Variants in XKR6 observed in about 807,000 individuals in gnomAD.
XKR6 encodes XK-related protein 6.
A neutral mutation model predicts 56.7 loss-of-function variants in XKR6; 22 were observed. The ratio of observed to expected loss-of-function variants is 0.39; its 90% CI spans 0.28 to 0.55. XKR6 has a LOEUF of 0.55. Among genes scored for constraint, XKR6 ranks in the 20% least tolerant of loss-of-function variants. The pLI, the probability that XKR6 is intolerant of heterozygous loss-of-function variation, is 0.66. For missense variants in XKR6, 852 were observed against 889.0 expected, an observed-to-expected ratio of 0.96 and a Z score of 0.53; for synonymous variants, 524 against 387.8, an observed-to-expected ratio of 1.35 and a Z score of -4.13.
rs985895699 is a variant in XKR6 at position 10,896,677 on chromosome 8, C to T, written c.*1275G>A. ...AATGGTGAAAGACAGAAGCACCAAA[C>T]AGTCTTTGAAATGGGTCAGTTATTA... On this transcript the variant is annotated 3_prime_UTR_variant, in exon 3 of 3. Coordinates refer to ENST00000416569, the MANE Select transcript of XKR6 (RefSeq NM_173683.4). 1.3e-5 allele frequency: 2 copies of T among 152,360 alleles called. No individual in the cohort carries two copies. Among genetic ancestry groups the T allele is most frequent in the African/African-American group, 2.4e-5 (1 of 41,350 alleles). The allele number at this position is 152,360 out of a possible 1,614,324, so 9.4% of individuals were successfully genotyped here. A position where few individuals can be genotyped will look rare whatever the true frequency, so the allele number is the denominator to read the frequency against.
intron 1 of XKR6, among the ~76,000 whole-genome samples, chr8:11,116,213 T>G (rs372192862): frequency 6.6e-6 from 1 of 152,212 alleles, no homozygotes; most frequent in East Asian, 1.9e-4. Context: ...GAGGGCACTG[T>G]TCTTTTCAGT....
intron 1 of XKR6, among the ~76,000 whole-genome samples, chr8:11,134,035 A>G (rs1800255045): frequency 6.6e-6 from 1 of 152,170 alleles, no homozygotes; most frequent in African/African-American, 2.4e-5. Flanking sequence ...TCAGGCCCAC[A>G]GCCCTGAGCC....
chr8:11,076,647 C>G (rs1438809761), intron 1 of XKR6, among the ~76,000 whole-genome samples: 3 of 152,188 alleles, frequency 2.0e-5, no homozygotes, highest in Non-Finnish European at 1.5e-5. Flanking sequence ...GCGCCCCCAG[C>G]ACAGGGCAGG....
At chr8:11,123,652 T>A (rs1799589104) in intron 1 of XKR6, 1 of 335,680 alleles carries the variant, frequency 3.0e-6, no homozygotes, top group Non-Finnish European at 5.9e-6. Context: ...AAGTTTAAAA[T>A]ACTCAAATAT....
Position 10,898,481 on chromosome 8 carries a change from G to A in XKR6, c.1397C>T (p.Pro466Leu), listed in dbSNP as rs767517055. 19 of 1,613,742 alleles carry A rather than the reference G, an allele frequency of 1.2e-5. No homozygotes were observed. Among genetic ancestry groups the A allele is most frequent in the Admixed American group, 3.3e-5 (2 of 59,994 alleles). ...CACCGCATAGGAGTCAGTGGTCTCC[G>A]GGTCTCTGTAAAAATACCAAAGGAA... Reference protein sequence around the residue: ...LTFLWYFYRDPETTDSYAVPA... With the variant: ...LTFLWYFYRDLETTDSYAVPA... Residue 466 changes from proline (P) to leucine (L), a missense_variant, in exon 3 of 3, where the codon CCG (proline) becomes CTG (leucine). Pro to Leu is a moderately conservative substitution (Grantham distance 98, BLOSUM62 -3). Transcript: ENST00000416569. The surrounding 1 kb of genome is among the most constrained non-coding windows in gnomAD (Gnocchi z 6.6).
intron 1 of XKR6, among the ~76,000 whole-genome samples, chr8:10,968,629 C>T (rs1233195548): frequency 6.6e-6 from 1 of 152,246 alleles, no homozygotes; most frequent in African/African-American, 2.4e-5. Context: ...CACTGTATTA[C>T]CTTCTCCCCA....
intron 1 of XKR6, among the ~76,000 whole-genome samples, chr8:11,005,421 G>T (rs1268318354): frequency 1.3e-5 from 2 of 152,088 alleles, no homozygotes; most frequent in Non-Finnish European, 2.9e-5. Context: ...AGTGGGATGG[G>T]GAGCAGTTAT....
At chr8:10,956,581 C>T (rs565917199) in intron 1 of XKR6, among the ~76,000 whole-genome samples, 17 of 152,322 alleles carry the variant, frequency 1.1e-4, no homozygotes, top group Non-Finnish European at 2.4e-4. Context: ...ACTGGAAAGA[C>T]AGCTCAGGGC....
chr8:11,091,521 A>G (rs1454071336), intron 1 of XKR6, among the ~76,000 whole-genome samples: 1 of 152,172 alleles, frequency 6.6e-6, no homozygotes, highest in Non-Finnish European at 1.5e-5. Flanking sequence ...GAATTGACTG[A>G]TGACTGGATG....
intron 1 of XKR6, among the ~76,000 whole-genome samples, chr8:10,972,498 G>A (rs1196327237): frequency 6.6e-6 from 1 of 152,192 alleles, no homozygotes; most frequent in African/African-American, 2.4e-5. Context: ...ATGGATGGCT[G>A]AGCAAAATCC....
intron 2 of XKR6, among the ~76,000 whole-genome samples, chr8:10,923,105 C>A (rs562197546): frequency 3.3e-5 from 5 of 152,364 alleles, no homozygotes; most frequent in Non-Finnish European, 7.3e-5. Context: ...GATCCCCATA[C>A]CCCTCCTGCT....
At chr8:10,984,728 C>CTATATA (rs1176002840) in intron 1 of XKR6, among the ~76,000 whole-genome samples, 130 of 66,824 alleles carry the variant, frequency 1.9e-3, no homozygotes, top group African/African-American at 7.9e-3. Context: ...CTCTCTCTCT[C>CTATATA]TCTCTATATA....
intron 2 of XKR6, among the ~76,000 whole-genome samples, chr8:10,908,459 G>C (rs1484210887): frequency 1.3e-5 from 2 of 151,996 alleles, no homozygotes. Context: ...TGGGTGAGCT[G>C]TTCTTAAATC....
chr8:10,973,061 C>T (rs931715807), intron 1 of XKR6, among the ~76,000 whole-genome samples: 4 of 152,134 alleles, frequency 2.6e-5, no homozygotes, highest in African/African-American at 7.2e-5. Flanking sequence ...ACGAGGCTTA[C>T]GATTAGCCTC....
At chr8:10,911,199 CGTGTGTGTGTGTGTGT>C (rs745616432) in intron 2 of XKR6, among the ~76,000 whole-genome samples, 8 of 126,286 alleles carry the variant, frequency 6.3e-5, no homozygotes, top group Admixed American at 1.6e-4. Context: ...AGAGGGTGTG[CGTGTGTGTGTGTGTGT>C]GTGTGTGTGT....
At chr8:11,159,276 C>G (rs1801676260) in intron 1 of XKR6, among the ~76,000 whole-genome samples, 2 of 152,222 alleles carry the variant, frequency 1.3e-5, no homozygotes, top group Non-Finnish European at 2.9e-5. Context: ...CAAACATTAT[C>G]TTCAACTTAC....
At chr8:10,974,518 G>T (rs1802497005) in intron 1 of XKR6, among the ~76,000 whole-genome samples, 1 of 152,192 alleles carries the variant, frequency 6.6e-6, no homozygotes, top group Admixed American at 6.5e-5. Flanking sequence ...TAGTTCCCAG[G>T]CAGCTCAGCC....
At position 10,968,233 on chromosome 8, in the gene XKR6, C is replaced by T. The variant is rs76389631; in HGVS notation, c.765-43403G>A. Among the ~76,000 whole-genome samples, 1,175 of 152,338 alleles carry T rather than the reference C, an allele frequency of 7.7e-3. 42 individuals carry two copies. Among genetic ancestry groups the T allele is most frequent in the Admixed American group, 0.058 (889 of 15,308 alleles). On this transcript the variant is annotated intron_variant, in intron 1 of 2. Coordinates refer to ENST00000416569, the MANE Select transcript of XKR6 (RefSeq NM_173683.4). The stretch of plus-strand genomic sequence containing the variant: ...CTCCTAGGCCTCCCAGGTTCCCCTC[C>T]GTCCTCCGTCAGCTGCCCCCACTTC...
intron 1 of XKR6, among the ~76,000 whole-genome samples, chr8:11,017,496 T>C (rs1798652620): frequency 6.6e-6 from 1 of 152,260 alleles, no homozygotes; most frequent in South Asian, 2.1e-4. Context: ...CAAGGTTGCC[T>C]GCAAGTAACA....
Sources: gnomAD v4.1 joint callset for allele counts (sites outside exome capture counted in the v4.1 genomes callset) on GRCh38, gnomAD v4.1.1 for gene constraint, Gnocchi (gnomAD v3.1) non-coding constraint, MANE v1.5 for transcripts, NCBI Gene and HGNC (gene_info 2026-07-23, HGNC 2026-07-21) for gene names.